The following PRKCZ variants were observed in gnomAD, a reference collection of about 807,000 sequenced individuals.
PRKCZ encodes protein kinase C zeta.
PRKCZ carries 33 observed loss-of-function variants against 79.5 expected under a neutral mutation model. The ratio of observed to expected loss-of-function variants is 0.41; its 90% CI spans 0.31 to 0.55. The LOEUF (loss-of-function observed/expected upper bound fraction) is 0.55. Among genes scored for constraint, PRKCZ ranks in the 20% least tolerant of loss-of-function variants. The pLI, the probability that PRKCZ is intolerant of heterozygous loss-of-function variation, is 0.19. For missense variants in PRKCZ, 578 were observed against 813.5 expected (o/e 0.71, Z 3.52); for synonymous variants, 342 against 320.9 (o/e 1.07, Z -0.70).
At chr1:2,060,906 G>A (rs1029279573) in intron 4 of PRKCZ, among the ~76,000 whole-genome samples, 36 of 152,208 alleles carry the variant, frequency 2.4e-4, no homozygotes, top group African/African-American at 8.2e-4. Flanking sequence ...GACCTTTCCC[G>A]GGACCCTCCC....
chr1:2,144,382 G>A (rs1238237602), intron 6 of PRKCZ, 41 bp downstream of exon 6: 3 of 1,546,466 alleles, frequency 1.9e-6, no homozygotes, highest in Non-Finnish European at 1.7e-6. Context: ...GCACGGGCGG[G>A]GTCGGGGCGT....
chr1:2,057,982 C>T (rs555709188), intron 3 of PRKCZ, among the ~76,000 whole-genome samples: 1 of 152,346 alleles, frequency 6.6e-6, no homozygotes, highest in African/African-American at 2.4e-5. Flanking sequence ...ATTCTTCTGC[C>T]TCACCCTCCC....
At position 2,172,551 on chromosome 1, in the gene PRKCZ, G is replaced by T. The variant is rs1684635287; in HGVS notation, c.1285+163G>T. On this transcript the variant is annotated intron_variant, in intron 13 of 17. Transcript: ENST00000378567. This position sits in a 1 kb window ranked among gnomAD's most constrained non-coding sequence, Gnocchi z 7.8. ...ATCATCTGGCCTCAGCCCCTTATTT[G>T]AATTCTGGAAAACCTCCCATGTCCA... Among the ~76,000 whole-genome samples, 1 of 152,206 alleles carries T rather than the reference G, an allele frequency of 6.6e-6. No homozygotes were observed. Among genetic ancestry groups the T allele is most frequent in the Admixed American group, 6.5e-5 (1 of 15,286 alleles).
chr1:2,154,698 A>G lies in PRKCZ; in HGVS notation c.877-1297A>G, dbSNP rs1054039703. Among the ~76,000 whole-genome samples the G allele has an allele frequency of 3.9e-5, 6 of 152,176 alleles. No individual in the cohort carries two copies. The South Asian group carries it at 1.2e-3, about 32-fold the overall frequency. On this transcript the variant is annotated intron_variant, in intron 9 of 17. Coordinates refer to ENST00000378567, the MANE Select transcript of PRKCZ (RefSeq NM_002744.6). ...ATTTTGACGCATTTCTTTCACTGTCATTTTTCTAACCCCGAAGACAAGGGG... is the reference window on the plus strand; with the variant it reads ...ATTTTGACGCATTTCTTTCACTGTCGTTTTTCTAACCCCGAAGACAAGGGG...
intron 1 of PRKCZ, among the ~76,000 whole-genome samples, chr1:2,054,941 ATTT>A (rs552863793): frequency 8.1e-6 from 1 of 123,618 alleles, no homozygotes; most frequent in Admixed American, 8.3e-5. Context: ...GATGGTGGTC[ATTT>A]TTTTTTTTTT....
intron 4 of PRKCZ, among the ~76,000 whole-genome samples, chr1:2,092,689 G>A (rs1327376889): frequency 1.3e-5 from 2 of 152,228 alleles, no homozygotes; most frequent in African/African-American, 2.4e-5. Flanking sequence ...GCCTGTTTTT[G>A]TACAAAGGGA....
At position 2,074,452 on chromosome 1, in the gene PRKCZ, C is replaced by T. The variant is rs1662020055; in HGVS notation, c.334+14861C>T. ...TGTGGGTCTGTGGGTCTGTCGGGGC[C>T]AGGACGGATGGCCGCTTCGTCTCCA... is the stretch of plus-strand genomic sequence containing the variant. On this transcript the variant is annotated intron_variant, in intron 4 of 17. Coordinates refer to ENST00000378567, the MANE Select transcript of PRKCZ (RefSeq NM_002744.6). Among the ~76,000 whole-genome samples, 3 of 145,628 alleles carry T rather than the reference C, an allele frequency of 2.1e-5. No homozygotes were observed. In the South Asian group the frequency reaches 6.2e-4, roughly 30 times the overall value.
At chr1:2,170,598 C>T (rs1684237498) in intron 11 of PRKCZ, among the ~76,000 whole-genome samples, 3 of 152,212 alleles carry the variant, frequency 2.0e-5, no homozygotes, top group Admixed American at 6.5e-5. Context: ...CTCCAGAGCA[C>T]GCCCCTCTTC....
chr1:2,083,309 G>A (rs1663917292), intron 4 of PRKCZ, among the ~76,000 whole-genome samples: 1 of 151,866 alleles, frequency 6.6e-6, no homozygotes, highest in Non-Finnish European at 1.5e-5. Flanking sequence ...CCAGCTCCGG[G>A]CTCAGCCAGT....
Position 2,184,527 on chromosome 1 carries a change from A to T in PRKCZ, c.1576-56A>T, listed in dbSNP as rs373967833. The T allele has an allele frequency of 1.0e-5, 14 of 1,356,926 alleles. No individual in the cohort carries two copies. The East Asian group carries it at 1.4e-4, about 14-fold the overall frequency. The allele number at this position is 1,356,926 out of a possible 1,614,324, so 84.1% of individuals were successfully genotyped here. On this transcript the variant is annotated intron_variant, in intron 16 of 17. Coordinates refer to ENST00000378567, the MANE Select transcript of PRKCZ (RefSeq NM_002744.6). ...GATTGAAGTGCGTGCAAAACACTCA[A>T]TCTGGTAGGGATGATGCCCGCGCGG... is the stretch of plus-strand genomic sequence containing the variant.
Position 2,082,799 on chromosome 1 carries a change from G to A in PRKCZ, c.334+23208G>A, listed in dbSNP as rs895542761. ...AGGACACCTGTCCTCCTTCACAGGG[G>A]CACTCCGGATGTAGTAGCAGGGAGA... On this transcript the variant is annotated intron_variant, in intron 4 of 17. Coordinates refer to ENST00000378567, the MANE Select transcript of PRKCZ (RefSeq NM_002744.6). This position sits in a 1 kb window ranked among gnomAD's most constrained non-coding sequence, Gnocchi z 4.4. Among the ~76,000 whole-genome samples, 3 of 152,010 alleles carry A rather than the reference G, an allele frequency of 2.0e-5. No homozygotes were observed. The highest frequency in any genetic ancestry group is 4.8e-5 in the African/African-American group (2 of 41,382).
intron 4 of PRKCZ, among the ~76,000 whole-genome samples, chr1:2,062,513 A>T (rs1450849194): frequency 3.3e-5 from 3 of 89,834 alleles, no homozygotes; most frequent in African/African-American, 8.9e-5. Context: ...CAGAGGGGGG[A>T]CGGAGTTTTG....
chr1:2,090,110 C>T (rs1449570167), intron 4 of PRKCZ, among the ~76,000 whole-genome samples: 1 of 152,168 alleles, frequency 6.6e-6, no homozygotes, highest in East Asian at 1.9e-4. Context: ...TGTTTTGGAT[C>T]TAAGTCTGCT....
chr1:2,184,901 CCCTGCCA>C lies in PRKCZ; in HGVS notation c.1692-17_1692-11del, dbSNP rs749954941. On this transcript the variant is annotated splice_polypyrimidine_tract_variant and intron_variant, in intron 17 of 17. Transcript: ENST00000378567. ...ATGAACACACGGTCACCCCCCTCCCCCCTGCCACCTTTGCCCACAGGGATGCCATAAA... is the reference window on the plus strand; with the variant it reads ...ATGAACACACGGTCACCCCCCTCCCCCCTTTGCCCACAGGGATGCCATAAA... 1.2e-6 allele frequency: 2 copies of C among 1,607,174 alleles called. No homozygotes were observed. Among genetic ancestry groups the C allele is most frequent in the South Asian group, 1.1e-5 (1 of 90,650 alleles).
intron 16 of PRKCZ, among the ~76,000 whole-genome samples, chr1:2,175,990 T>C (rs1357512326): frequency 1.3e-5 from 2 of 152,190 alleles, no homozygotes; most frequent in Non-Finnish European, 2.9e-5. Flanking sequence ...CAGCAGTTAC[T>C]GGACAGGACC....
At chr1:2,085,515 C>T (rs550182646) in intron 4 of PRKCZ, among the ~76,000 whole-genome samples, 2 of 152,380 alleles carry the variant, frequency 1.3e-5, no homozygotes, top group Admixed American at 6.5e-5. Context: ...TTGTTGGTTG[C>T]GTTTTTCACA....
At chr1:2,055,016 C>T (rs2678950) in intron 1 of PRKCZ, among the ~76,000 whole-genome samples, 16,715 of 151,132 alleles carry the variant, frequency 0.11, 3,063 homozygotes, top group African/African-American at 0.38. Context: ...GATCTCGGCT[C>T]GCTGCAAGCT....
upstream of PRKCZ, chr1:2,050,182 C>G (rs1194521839): frequency 6.6e-6 from 1 of 152,106 alleles, no homozygotes; most frequent in Admixed American, 6.5e-5. Flanking sequence ...CGGGCAGAGC[C>G]GCGCCGCGCG....
chr1:2,177,091 C>T lies in PRKCZ; in HGVS notation c.1575+1778C>T, dbSNP rs1044731368. Among the ~76,000 whole-genome samples the T allele has an allele frequency of 2.0e-5, 3 of 152,140 alleles. No homozygotes were observed. The highest frequency in any genetic ancestry group is 2.9e-5 in the Non-Finnish European group (2 of 68,022). On this transcript the variant is annotated intron_variant, in intron 16 of 17. Transcript: ENST00000378567. This position sits in a 1 kb window ranked among gnomAD's most constrained non-coding sequence, Gnocchi z 6.4. ...ACGCCCAGGCCGGGGTTAGAGGTGG[C>T]GTCCCTTTTCTCTGGCTCAGGCACC...
Sources: allele counts gnomAD v4.1 joint callset (sites outside exome capture counted in the v4.1 genomes callset), GRCh38; gene constraint gnomAD v4.1.1; non-coding constraint Gnocchi (gnomAD v3.1); transcripts MANE v1.5; gene names NCBI Gene and HGNC (gene_info 2026-07-23, HGNC 2026-07-21).